Variants in ZNF420 observed in about 807,000 individuals in gnomAD.
The protein encoded by ZNF420 is ATM and p53-associated KZNF protein.
In ZNF420, 31 loss-of-function variants were observed where a neutral mutation model predicts 44.7. That is an observed-to-expected ratio of 0.69 (90% CI 0.52 to 0.94). The LOEUF (loss-of-function observed/expected upper bound fraction) is 0.94. ZNF420 is among the 40% of genes least tolerant of loss of function. The pLI is 0.00. For missense variants in ZNF420, 681 were observed against 827.9 expected (o/e 0.82, Z 2.18); for synonymous variants, 245 against 267.4 (o/e 0.92, Z 0.82).
chr19:37,065,440 C>T (rs1422869697), intron 1 of ZNF420, among the ~76,000 whole-genome samples: 1 of 152,202 alleles, frequency 6.6e-6, no homozygotes, highest in Non-Finnish European at 1.5e-5. Context: ...CAGAGAGATG[C>T]AATGTTTGAA....
At position 37,128,627 on chromosome 19, in the gene ZNF420, C is replaced by G; in HGVS notation, c.1636C>G (p.Leu546Val). ...AAAGGCCTTTGCGCGTGGCTTACTA[C>G]TTATACAACATCAGAGAATTCATAC... ...CGKAFARGLL[L>V]IQHQRIHTGE... The change falls in exon 5 of 5, where the codon CTT becomes GTT. Residue 546 changes from leucine (L) to valine (V), a missense_variant. Coordinates refer to ENST00000337995, the MANE Select transcript of ZNF420 (RefSeq NM_144689.5). 2 of 1,614,052 alleles carry G rather than the reference C, an allele frequency of 1.2e-6. No individual in the cohort carries two copies. The highest frequency in any genetic ancestry group is 2.7e-5 in the African/African-American group (2 of 75,020).
intron 1 of ZNF420, among the ~76,000 whole-genome samples, chr19:37,062,623 T>C (rs142884264): frequency 1.1e-3 from 172 of 152,384 alleles, no homozygotes; most frequent in African/African-American, 3.9e-3. Context: ...TAATCACTTA[T>C]GTTTTCCTAA....
intron 1 of ZNF420, among the ~76,000 whole-genome samples, chr19:37,055,961 G>T (rs1311899591): frequency 6.6e-6 from 1 of 152,166 alleles, no homozygotes; most frequent in Non-Finnish European, 1.5e-5. Context: ...TAAACCGATG[G>T]TTGTTCTTTT....
In ZNF420 at chr19:37,128,793, A is replaced by G. The variant is rs776775415; in HGVS notation, c.1802A>G (p.Gln601Arg). ...GGCAAGGCCTTTAGTCATGGCTCTC[A>G]GCTTACTCTACATCAGAGAATCCAT... ...ECGKAFSHGS[Q>R]LTLHQRIHTG... The change falls in exon 5 of 5, where the codon CAG (glutamine) becomes CGG (arginine). Residue 601 changes from glutamine to arginine, a missense_variant. Physicochemically the swap from Gln to Arg is conservative, Grantham distance 43. Coordinates refer to ENST00000337995, the MANE Select transcript of ZNF420 (RefSeq NM_144689.5). 1 of 1,613,952 alleles carries G rather than the reference A, an allele frequency of 6.2e-7. No individual in the cohort carries two copies. Among genetic ancestry groups the G allele is most frequent in the Admixed American group, 1.7e-5 (1 of 59,994 alleles).
intron 1 of ZNF420, among the ~76,000 whole-genome samples, chr19:37,040,906 C>T (rs1165963302): frequency 6.6e-6 from 1 of 151,698 alleles, no homozygotes; most frequent in African/African-American, 2.4e-5. Context: ...ATCTTCACAG[C>T]CCCCCAAACT....
At chr19:37,061,810 C>T (rs1167377777) in intron 1 of ZNF420, among the ~76,000 whole-genome samples, 24 of 152,120 alleles carry the variant, frequency 1.6e-4, no homozygotes, top group Admixed American at 1.5e-3. Flanking sequence ...TGAGGACTTT[C>T]TTACAGAAAC....
intron 1 of ZNF420, among the ~76,000 whole-genome samples, chr19:37,056,862 A>G (rs761346436): frequency 2.0e-5 from 3 of 152,142 alleles, no homozygotes; most frequent in Non-Finnish European, 4.4e-5. Context: ...CCTCTCTCCC[A>G]CGTCGCCGCC....
intron 1 of ZNF420, among the ~76,000 whole-genome samples, chr19:37,019,054 AAAAGAC>A (rs2146379889): frequency 6.6e-6 from 1 of 152,324 alleles, no homozygotes; most frequent in East Asian, 1.9e-4. Context: ...AGTGTGAATC[AAAAGAC>A]ATCAGTAGAT....
chr19:37,097,978 T>C (rs1969553730), intron 4 of ZNF420, among the ~76,000 whole-genome samples: 1 of 152,178 alleles, frequency 6.6e-6, no homozygotes, highest in Admixed American at 6.5e-5. Context: ...ATATCCTTTT[T>C]TCTTTTTTTT....
intron 4 of ZNF420, among the ~76,000 whole-genome samples, chr19:37,105,480 G>A (rs964101681): frequency 1.9e-5 from 2 of 102,798 alleles, no homozygotes; most frequent in East Asian, 2.8e-4. Flanking sequence ...TTGGCAATGC[G>A]GGTTCTTTTT....
At chr19:37,067,063 T>G (rs929789547) in intron 1 of ZNF420, among the ~76,000 whole-genome samples, 2 of 152,146 alleles carry the variant, frequency 1.3e-5, no homozygotes, top group African/African-American at 4.8e-5. Context: ...CATATTTCAA[T>G]CCCAATTATA....
chr19:37,065,972 A>C (rs1053239471), intron 1 of ZNF420, among the ~76,000 whole-genome samples: 2 of 152,242 alleles, frequency 1.3e-5, no homozygotes, highest in African/African-American at 4.8e-5. Flanking sequence ...ACTAATATAA[A>C]AAGCTACAAC....
At chr19:37,016,794 T>C (rs2074612027) in intron 1 of ZNF420, among the ~76,000 whole-genome samples, 1 of 152,146 alleles carries the variant, frequency 6.6e-6, no homozygotes, top group South Asian at 2.1e-4. Flanking sequence ...ATGATTTTGG[T>C]AGTAGGGCCA....
chr19:37,056,282 C>G (rs1967752606), intron 1 of ZNF420, among the ~76,000 whole-genome samples: 1 of 152,172 alleles, frequency 6.6e-6, no homozygotes, highest in South Asian at 2.1e-4. Context: ...CACAGGTTCT[C>G]TCCTGGTTCC....
chr19:37,035,314 G>C (rs1417607512), intron 1 of ZNF420, among the ~76,000 whole-genome samples: 11 of 152,128 alleles, frequency 7.2e-5, no homozygotes, highest in Admixed American at 5.9e-4. Context: ...ATGAATCTCT[G>C]TTTGCTCAAA....
At chr19:37,036,137 G>A (rs1967350651) in intron 1 of ZNF420, among the ~76,000 whole-genome samples, 1 of 152,094 alleles carries the variant, frequency 6.6e-6, no homozygotes. Flanking sequence ...AATACAGTTA[G>A]ATGGAAAGAA....
At chr19:37,015,877 G>T (rs1356567109) in intron 1 of ZNF420, among the ~76,000 whole-genome samples, 2 of 152,164 alleles carry the variant, frequency 1.3e-5, no homozygotes, top group African/African-American at 2.4e-5. Flanking sequence ...TTGATCCTGC[G>T]CGGGCTCTGG....
intron 1 of ZNF420, among the ~76,000 whole-genome samples, chr19:37,035,617 C>T (rs536611061): frequency 6.6e-6 from 1 of 152,310 alleles, no homozygotes; most frequent in Admixed American, 6.5e-5. Context: ...CCTGGATTTG[C>T]ATGTGGGCCC....
chr19:37,129,779 T>C lies in ZNF420; in HGVS notation c.*721T>C, dbSNP rs1393564086. 3.6e-6 allele frequency: 1 copy of C among 279,462 alleles called. No individual in the cohort carries two copies. Among genetic ancestry groups the C allele is most frequent in the Non-Finnish European group, 6.5e-6 (1 of 154,888 alleles). 17.3% of individuals were successfully genotyped at this position (279,462 alleles called of 1,614,324 possible). A position where few individuals can be genotyped will look rare whatever the true frequency, so the allele number is the denominator to read the frequency against. On this transcript the variant is annotated 3_prime_UTR_variant, in exon 5 of 5. Coordinates refer to ENST00000337995, the MANE Select transcript of ZNF420 (RefSeq NM_144689.5). ...AAAAAAACCCAGTGGATGTAATCAGTGTATTATTGAGCACAGCTGTTAGAG... is the reference window on the plus strand; with the variant it reads ...AAAAAAACCCAGTGGATGTAATCAGCGTATTATTGAGCACAGCTGTTAGAG...
Sources: allele counts gnomAD v4.1 joint callset (sites outside exome capture counted in the v4.1 genomes callset), GRCh38; gene constraint gnomAD v4.1.1; transcripts MANE v1.5; gene names NCBI Gene and HGNC (gene_info 2026-07-23, HGNC 2026-07-21).